MAP2: variants seen among roughly 807,000 people sequenced by gnomAD.
MAP2 encodes microtubule-associated protein 2.
MAP2 carries 14 observed loss-of-function variants against 137.6 expected under a neutral mutation model. That is an observed-to-expected ratio of 0.10 (90% CI 0.07 to 0.16). The LOEUF is 0.16. Among genes scored for constraint, MAP2 ranks in the 10% least tolerant of loss-of-function variants. The probability of loss-of-function intolerance (pLI) is 1.00; values close to 1 mark genes in which losing one functional copy is unlikely to be tolerated. For missense variants in MAP2, 2,088 were observed against 2,191.5 expected (o/e 0.95, Z 0.94); for synonymous variants, 786 against 782.3 (o/e 1.00, Z -0.08).
intron 3 of MAP2, among the ~76,000 whole-genome samples, chr2:209,611,238 T>C (rs1039325081): frequency 6.6e-6 from 1 of 152,060 alleles, no homozygotes; most frequent in Non-Finnish European, 1.5e-5. Flanking sequence ...TATTGAGCAC[T>C]TGTGAGGAAT....
In MAP2 at chr2:209,730,457, GC is replaced by G; in HGVS notation, c.*61del. 1 of 1,187,590 alleles carries G rather than the reference GC, an allele frequency of 8.4e-7. No individual in the cohort carries two copies. Among genetic ancestry groups the G allele is most frequent in the Non-Finnish European group, 1.2e-6 (1 of 811,424 alleles). 73.6% of individuals were successfully genotyped at this position (1,187,590 alleles called of 1,614,324 possible). On this transcript the variant is annotated 3_prime_UTR_variant, in exon 16 of 16. Coordinates refer to ENST00000682079, the MANE Select transcript of MAP2 (RefSeq NM_001375505.1). ...AGGCATGAGCTCTTGGCAGGAGTGG[GC>G]TCTGAGCAGTTGTTATATTCATTCT...
intron 1 of MAP2, among the ~76,000 whole-genome samples, chr2:209,490,866 C>T (rs1336476410): frequency 1.3e-5 from 2 of 152,002 alleles, no homozygotes; most frequent in East Asian, 1.9e-4. Context: ...ACTTTACCAC[C>T]CCATTGTCAA....
chr2:209,593,872 TA>T (rs1399752725), intron 3 of MAP2, among the ~76,000 whole-genome samples: 5 of 102,000 alleles, frequency 4.9e-5, no homozygotes, highest in South Asian at 2.6e-4. Context: ...ATATTTATAT[TA>T]TAAAAATATA....
chr2:209,488,136 A>G (rs1384967533), intron 1 of MAP2, among the ~76,000 whole-genome samples: 1 of 152,164 alleles, frequency 6.6e-6, no homozygotes, highest in African/African-American at 2.4e-5. Flanking sequence ...ATGGAGGTCG[A>G]GCAGAAGCAG....
chr2:209,536,205 T>C (rs1360198320), intron 2 of MAP2, among the ~76,000 whole-genome samples: 1 of 152,222 alleles, frequency 6.6e-6, no homozygotes, highest in African/African-American at 2.4e-5. Context: ...ACTAGGTGTT[T>C]TCAAGTATAT....
intron 2 of MAP2, among the ~76,000 whole-genome samples, chr2:209,543,992 G>C (rs549614391): frequency 4.5e-4 from 68 of 152,310 alleles, no homozygotes; most frequent in Middle Eastern, 3.4e-3. Flanking sequence ...CACTTTGGGA[G>C]GCCGAGGTGG....
intron 3 of MAP2, among the ~76,000 whole-genome samples, chr2:209,624,843 T>C (rs1289222121): frequency 1.3e-5 from 2 of 152,166 alleles, no homozygotes; most frequent in African/African-American, 4.8e-5. Flanking sequence ...CAGTTAGCAT[T>C]TTCACTTTTC....
At position 209,656,185 on chromosome 2, in the gene MAP2, C is replaced by T. The variant is rs1377121069; in HGVS notation, c.262+2753C>T. 7.9e-5 allele frequency among the ~76,000 whole-genome samples: 12 copies of T among 151,938 alleles called. 1 individual carries two copies. The highest frequency in any genetic ancestry group is 6.6e-4 in the Admixed American group (10 of 15,236). Reference sequence around the variant, plus strand: ...TATCCTTGATCTTATGCACTGACACCAGAGGGTGGGAGAGTGGAGAATATT... The same window carrying T: ...TATCCTTGATCTTATGCACTGACACTAGAGGGTGGGAGAGTGGAGAATATT... On this transcript the variant is annotated intron_variant, in intron 5 of 15. Transcript: ENST00000682079.
intron 1 of MAP2, among the ~76,000 whole-genome samples, chr2:209,425,299 C>G (rs1028149679): frequency 6.6e-6 from 1 of 152,146 alleles, no homozygotes; most frequent in African/African-American, 2.4e-5. Flanking sequence ...AGGACATAGA[C>G]GCTTTAAAAT....
chr2:209,576,072 G>A (rs143629657), intron 2 of MAP2, among the ~76,000 whole-genome samples: 23 of 152,140 alleles, frequency 1.5e-4, no homozygotes, highest in African/African-American at 5.6e-4. Flanking sequence ...TGAAATCAAA[G>A]TTATTTCAGA....
intron 5 of MAP2, chr2:209,661,551 G>C (rs1441486536): frequency 1.0e-6 from 1 of 985,362 alleles, no homozygotes; most frequent in Non-Finnish European, 1.2e-6. Context: ...AAGCATCTGG[G>C]CCTGGTGGCA....
chr2:209,435,990 T>TTATATGTAA lies in MAP2; in HGVS notation c.-222+11719_-222+11720insGTAATATAT, dbSNP rs1695998187. Reference sequence around the variant, plus strand: ...TTATATATAATATATACAGTATATATTATATACTATATATACAGTATATAT... The same window carrying TTATATGTAA: ...TTATATATAATATATACAGTATATATTATATGTAATATATACTATATATACAGTATATAT... On this transcript the variant is annotated intron_variant, in intron 1 of 15. Coordinates refer to ENST00000682079, the MANE Select transcript of MAP2 (RefSeq NM_001375505.1). Among the ~76,000 whole-genome samples, 3 of 87,980 alleles carry TTATATGTAA rather than the reference T, an allele frequency of 3.4e-5. 1 individual carries two copies. 57.7% of individuals were successfully genotyped at this position (87,980 alleles called of 152,430 possible).
At chr2:209,724,462 C>G (rs11889693) in intron 13 of MAP2, among the ~76,000 whole-genome samples, 1,787 of 152,238 alleles carry the variant, frequency 0.012, 32 homozygotes, top group African/African-American at 0.042. Flanking sequence ...TCTCTTTAAA[C>G]TTCAGTTTCT....
intron 2 of MAP2, among the ~76,000 whole-genome samples, chr2:209,547,412 A>G (rs1431126525): frequency 1.3e-5 from 2 of 152,124 alleles, no homozygotes; most frequent in African/African-American, 4.8e-5. Flanking sequence ...ACAAGTTGCA[A>G]TTTTGTAGTC....
At position 209,731,816 on chromosome 2, in the gene MAP2, A is replaced by G. The variant is rs2075814250; in HGVS notation, c.*1419A>G. 6.6e-6 allele frequency: 1 copy of G among 152,218 alleles called. No individual in the cohort carries two copies. The highest frequency in any genetic ancestry group is 2.1e-4 in the South Asian group (1 of 4,830). The allele number at this position is 152,218 out of a possible 1,614,324, so 9.4% of individuals were successfully genotyped here. A position where few individuals can be genotyped will look rare whatever the true frequency, so the allele number is the denominator to read the frequency against. ...CAATACTTTGGGAAGCTATAGCTAT[A>G]AAACACTTGAGACACAGATATCTAA... On this transcript the variant is annotated 3_prime_UTR_variant, in exon 16 of 16. Transcript: ENST00000682079.
intron 2 of MAP2, among the ~76,000 whole-genome samples, chr2:209,556,754 T>C (rs1279890804): frequency 6.6e-6 from 1 of 151,614 alleles, no homozygotes; most frequent in Non-Finnish European, 1.5e-5. Context: ...CATAAAACCA[T>C]TGTAGCTGAC....
rs199705129 is a variant in MAP2 at position 209,514,340 on chromosome 2, C to CT, written c.-172+6708dup. On this transcript the variant is annotated intron_variant, in intron 2 of 15. Coordinates refer to ENST00000682079, the MANE Select transcript of MAP2 (RefSeq NM_001375505.1). ...GGGTGATTATTGTTTAAAGTCCTCC[C>CT]TTTTTTTTTCATGTGGGAAAAGAAT... 7.3e-3 allele frequency among the ~76,000 whole-genome samples: 1,101 copies of CT among 150,640 alleles called. 14 individuals carry two copies. The highest frequency in any genetic ancestry group is 0.026 in the African/African-American group (1,049 of 41,104).
intron 1 of MAP2, among the ~76,000 whole-genome samples, chr2:209,464,427 C>T (rs1703629546): frequency 6.6e-6 from 1 of 152,064 alleles, no homozygotes; most frequent in African/African-American, 2.4e-5. Flanking sequence ...AATTATACTA[C>T]TTAATGAAGA....
At chr2:209,723,609 CAAG>C (rs764651809) in intron 13 of MAP2, 2 of 1,611,510 alleles carry the variant, frequency 1.2e-6, no homozygotes, top group African/African-American at 1.3e-5. Context: ...GGATTTTAAA[CAAG>C]AAGATCGATT....
Sources: allele counts gnomAD v4.1 joint callset (sites outside exome capture counted in the v4.1 genomes callset), GRCh38; gene constraint gnomAD v4.1.1; transcripts MANE v1.5; gene names NCBI Gene and HGNC (gene_info 2026-07-23, HGNC 2026-07-21).